SPMAP2L: variants seen among roughly 807,000 people sequenced by gnomAD.
The protein encoded by SPMAP2L is sperm microtubule associated protein 2-like.
chr4:56,532,253 A>G, the SPMAP2L span, among the ~76,000 whole-genome samples: 1 of 151,720 alleles, frequency 6.6e-6, no homozygotes, highest in Non-Finnish European at 1.5e-5. Flanking sequence ...TTCTTTATCG[A>G]GAAAATAGAA....
the SPMAP2L span, among the ~76,000 whole-genome samples, chr4:56,562,008 G>A: frequency 6.6e-6 from 1 of 152,164 alleles, no homozygotes; most frequent in African/African-American, 2.4e-5. Context: ...ACAGGCATGA[G>A]CCACCGCGCC....
At chr4:56,593,074 T>A in the SPMAP2L span, 4 of 1,582,464 alleles carry the variant, frequency 2.5e-6, no homozygotes, top group Non-Finnish European at 3.5e-6. Context: ...TGGGCTATTG[T>A]AACTGCTCAG....
the SPMAP2L span, among the ~76,000 whole-genome samples, chr4:56,625,605 G>T: frequency 9.9e-5 from 15 of 152,164 alleles, no homozygotes; most frequent in Non-Finnish European, 2.9e-5. Flanking sequence ...AGTGTCACAA[G>T]ATCTGATGGG....
At chr4:56,611,235 T>C in the SPMAP2L span, among the ~76,000 whole-genome samples, 1 of 152,216 alleles carries the variant, frequency 6.6e-6, no homozygotes, top group Admixed American at 6.5e-5. Context: ...AACTGGTATA[T>C]GTATATGATG....
At chr4:56,542,239 C>G in the SPMAP2L span, among the ~76,000 whole-genome samples, 1 of 152,214 alleles carries the variant, frequency 6.6e-6, no homozygotes, top group South Asian at 2.1e-4. Flanking sequence ...ATTTTACTAT[C>G]TTCCCACATT....
chr4:56,571,396 G>T, the SPMAP2L span, among the ~76,000 whole-genome samples: 45,218 of 149,224 alleles, frequency 0.3, 9,749 homozygotes, highest in African/African-American at 0.61. Flanking sequence ...CACTGTAACC[G>T]CAGCCTCCTG....
At chr4:56,594,833 C>T in the SPMAP2L span, 15 of 1,591,112 alleles carry the variant, frequency 9.4e-6, 1 homozygote, top group South Asian at 1.5e-4. Context: ...ATAGGTCTAC[C>T]TAGACGGGGC....
the SPMAP2L span, among the ~76,000 whole-genome samples, chr4:56,539,071 T>C: frequency 6.6e-6 from 1 of 152,224 alleles, no homozygotes; most frequent in Non-Finnish European, 1.5e-5. Flanking sequence ...CTGTGTCCTA[T>C]GGAGTGCAAA....
At chr4:56,591,934 G>A in the SPMAP2L span, among the ~76,000 whole-genome samples, 1 of 152,102 alleles carries the variant, frequency 6.6e-6, no homozygotes, top group Non-Finnish European at 1.5e-5. Flanking sequence ...ATTCCCAAAG[G>A]GCAAAAATAA....
At chr4:56,530,996 A>T in the SPMAP2L span, 3 of 1,535,168 alleles carry the variant, frequency 2.0e-6, no homozygotes, top group Non-Finnish European at 2.6e-6. Flanking sequence ...CATGGGCCCC[A>T]TGCAGCCCCC....
chr4:56,570,459 C>T, the SPMAP2L span, among the ~76,000 whole-genome samples: 2 of 152,088 alleles, frequency 1.3e-5, no homozygotes, highest in Admixed American at 6.6e-5. Context: ...AGCTGTGCAG[C>T]GTGTTACAGA....
the SPMAP2L span, among the ~76,000 whole-genome samples, chr4:56,597,702 AT>A: frequency 6.6e-6 from 1 of 152,066 alleles, no homozygotes; most frequent in African/African-American, 2.4e-5. Flanking sequence ...GTTTGGGTTT[AT>A]TTTATTTTTT....
the SPMAP2L span, among the ~76,000 whole-genome samples, chr4:56,622,544 G>A: frequency 6.6e-6 from 1 of 152,160 alleles, no homozygotes; most frequent in African/African-American, 2.4e-5. Flanking sequence ...CATATATGAA[G>A]GTGTTTAACA....
At chr4:56,538,507 C>T in the SPMAP2L span, among the ~76,000 whole-genome samples, 280 of 152,286 alleles carry the variant, frequency 1.8e-3, 1 homozygote, top group African/African-American at 6.6e-3. Flanking sequence ...TCAGACTTTG[C>T]TTTAGAAAAC....
the SPMAP2L span, among the ~76,000 whole-genome samples, chr4:56,571,148 T>C: frequency 1.3e-5 from 2 of 151,412 alleles, no homozygotes; most frequent in Non-Finnish European, 2.9e-5. Context: ...ACAAAAAACC[T>C]TTTTGACTAT....
At chr4:56,531,557 A>G in the SPMAP2L span, among the ~76,000 whole-genome samples, 3 of 152,180 alleles carry the variant, frequency 2.0e-5, no homozygotes, top group Non-Finnish European at 4.4e-5. Context: ...TTCACCATTC[A>G]TCTTTCTCTT....
At chr4:56,589,042 G>A in the SPMAP2L span, among the ~76,000 whole-genome samples, 2 of 152,028 alleles carry the variant, frequency 1.3e-5, no homozygotes, top group East Asian at 3.9e-4. Context: ...AGGCTGGAGT[G>A]CAGTGGCGCA....
chr4:56,537,066 T>G, the SPMAP2L span, among the ~76,000 whole-genome samples: 2 of 152,176 alleles, frequency 1.3e-5, no homozygotes, highest in Admixed American at 6.5e-5. Flanking sequence ...GCCCGGCCAA[T>G]GTATTAGTAT....
the SPMAP2L span, chr4:56,530,749 T>A: frequency 6.5e-7 from 1 of 1,535,274 alleles, no homozygotes; most frequent in Non-Finnish European, 8.7e-7. Flanking sequence ...AACAGAAATA[T>A]CCACTTGCTC....
Sources: allele counts gnomAD v4.1 joint callset (sites outside exome capture counted in the v4.1 genomes callset), GRCh38; gene constraint gnomAD v4.1.1; transcripts MANE v1.5; gene names NCBI Gene and HGNC (gene_info 2026-07-23, HGNC 2026-07-21).